The following FRMD4A variants were observed in gnomAD, a reference collection of about 807,000 sequenced individuals.
FRMD4A encodes FERM domain-containing protein 4A.
Under a neutral mutation model 129.1 loss-of-function variants are expected in FRMD4A, and 29 were observed. The ratio of observed to expected loss-of-function variants is 0.22; its 90% confidence interval spans 0.17 to 0.31. FRMD4A has a LOEUF of 0.31. FRMD4A is among the 10% of genes least tolerant of loss of function. FRMD4A has a pLI of 1.00. For synonymous variants in FRMD4A, 634 were observed against 571.6 expected, an observed-to-expected ratio of 1.11 and a Z score of -1.56; for missense variants, 1,272 against 1,375.8, an observed-to-expected ratio of 0.92 and a Z score of 1.19.
At chr10:13,902,765 G>A (rs7908572) in intron 2 of FRMD4A, among the ~76,000 whole-genome samples, 4 of 150,980 alleles carry the variant, frequency 2.6e-5, no homozygotes, top group Admixed American at 6.6e-5. Context: ...GCTTGAACCC[G>A]GGAGGTGGAG....
rs1019880274 is a variant in FRMD4A at position 13,989,356 on chromosome 10, AT to A, written c.46-130445del. Among the ~76,000 whole-genome samples, 4 of 151,358 alleles carry A rather than the reference AT, an allele frequency of 2.6e-5. 1 individual carries two copies. Among genetic ancestry groups the A allele is most frequent in the South Asian group, 2.1e-4 (1 of 4,778 alleles). Reference sequence around the variant, plus strand: ...GATATTAGATGATCATTAGTAATTGATTTTTTTTTCTTTTTTTTGAGACGGC... The same window carrying A: ...GATATTAGATGATCATTAGTAATTGATTTTTTTTCTTTTTTTTGAGACGGC... On this transcript the variant is annotated intron_variant, in intron 2 of 24. Transcript: ENST00000357447.
At chr10:14,086,806 C>G (rs1836306603) in intron 2 of FRMD4A, among the ~76,000 whole-genome samples, 1 of 152,188 alleles carries the variant, frequency 6.6e-6, no homozygotes, top group African/African-American at 2.4e-5. Flanking sequence ...TCTTGGTCTT[C>G]TGTCTGATTC....
intron 2 of FRMD4A, among the ~76,000 whole-genome samples, chr10:13,964,812 C>T (rs1259197773): frequency 1.3e-5 from 2 of 152,022 alleles, no homozygotes; most frequent in African/African-American, 2.4e-5. Context: ...CCTCAGCCTC[C>T]TGGGTAGCTG....
At chr10:13,667,860 T>C (rs924228767) in intron 17 of FRMD4A, 1 of 152,108 alleles carries the variant, frequency 6.6e-6, no homozygotes, top group East Asian at 1.9e-4. Flanking sequence ...GACAAATGCA[T>C]CGGCAGCTTC....
chr10:13,716,529 A>G (rs2088827222), intron 12 of FRMD4A, among the ~76,000 whole-genome samples: 1 of 152,240 alleles, frequency 6.6e-6, no homozygotes. Flanking sequence ...TCTTCTCTGC[A>G]GCCAGGCCTA....
At chr10:14,134,346 T>C (rs1477660750) in intron 2 of FRMD4A, among the ~76,000 whole-genome samples, 1 of 150,474 alleles carries the variant, frequency 6.6e-6, no homozygotes, top group Non-Finnish European at 1.5e-5. Flanking sequence ...GATGAGTGGA[T>C]GAATTGATGA....
At chr10:14,162,010 G>A (rs927374668) in intron 2 of FRMD4A, among the ~76,000 whole-genome samples, 1 of 150,452 alleles carries the variant, frequency 6.6e-6, no homozygotes. Flanking sequence ...ATTACTTTAA[G>A]TTATATATAT....
intron 2 of FRMD4A, among the ~76,000 whole-genome samples, chr10:14,043,004 A>G (rs1281876424): frequency 6.6e-6 from 1 of 152,040 alleles, no homozygotes. Context: ...GCAGAAAGAG[A>G]AAATCAACCT....
At chr10:13,858,585 G>C (rs1321868912) in intron 3 of FRMD4A, among the ~76,000 whole-genome samples, 1 of 152,172 alleles carries the variant, frequency 6.6e-6, no homozygotes, top group East Asian at 1.9e-4. Flanking sequence ...AATAGCTAAG[G>C]GCATTGTGGA....
chr10:14,230,546 G>A (rs1325651455), intron 2 of FRMD4A, among the ~76,000 whole-genome samples: 1 of 152,210 alleles, frequency 6.6e-6, no homozygotes, highest in Non-Finnish European at 1.5e-5. Context: ...GGCTGTGGCT[G>A]TACGATTGCT....
chr10:13,990,806 C>T (rs975352797), intron 2 of FRMD4A, among the ~76,000 whole-genome samples: 7 of 152,218 alleles, frequency 4.6e-5, no homozygotes, highest in African/African-American at 1.7e-4. Context: ...TGCGAGTCAA[C>T]CTGATCACCC....
chr10:13,743,087 C>G (rs1195288778), intron 9 of FRMD4A, among the ~76,000 whole-genome samples: 1 of 152,132 alleles, frequency 6.6e-6, no homozygotes, highest in Non-Finnish European at 1.5e-5. Flanking sequence ...GAGGACCAGC[C>G]AGCTACAGGG....
At chr10:13,869,784 C>T (rs541433611) in intron 2 of FRMD4A, among the ~76,000 whole-genome samples, 1 of 152,324 alleles carries the variant, frequency 6.6e-6, no homozygotes, top group Admixed American at 6.5e-5. Flanking sequence ...ATTTTCTTTA[C>T]CTCCATTTCG....
At chr10:13,654,137 A>T (rs1277980301) in intron 23 of FRMD4A, 3 of 531,364 alleles carry the variant, frequency 5.6e-6, no homozygotes, top group Admixed American at 6.9e-5. Context: ...AAATCTTACC[A>T]AAGAAGCACA....
intron 2 of FRMD4A, among the ~76,000 whole-genome samples, chr10:13,986,868 G>T (rs1184700965): frequency 6.6e-6 from 1 of 151,942 alleles, no homozygotes; most frequent in Non-Finnish European, 1.5e-5. Context: ...GTGGCTTGCA[G>T]ATGAGTTCTT....
intron 16 of FRMD4A, among the ~76,000 whole-genome samples, chr10:13,671,475 T>C (rs937179662): frequency 1.3e-5 from 2 of 152,074 alleles, no homozygotes; most frequent in African/African-American, 2.4e-5. Flanking sequence ...AAAAGTTTAG[T>C]AGAAACTGAA....
intron 2 of FRMD4A, among the ~76,000 whole-genome samples, chr10:13,976,053 G>T (rs945609967): frequency 1.1e-4 from 16 of 152,194 alleles, no homozygotes; most frequent in Non-Finnish European, 2.4e-4. Flanking sequence ...TGTCTAAAGG[G>T]TAGGGAATAC....
At chr10:13,862,920 C>T (rs569741682) in intron 2 of FRMD4A, among the ~76,000 whole-genome samples, 7 of 150,084 alleles carry the variant, frequency 4.7e-5, no homozygotes, top group African/African-American at 1.5e-4. Flanking sequence ...ACTGCTTTCC[C>T]TTGTTTTGTT....
At chr10:14,240,883 T>C (rs1844017306) in intron 2 of FRMD4A, among the ~76,000 whole-genome samples, 1 of 149,054 alleles carries the variant, frequency 6.7e-6, no homozygotes, top group African/African-American at 2.5e-5. Flanking sequence ...ATTAAGCCCC[T>C]GCTGGGATCC....
Sources: gnomAD v4.1 joint callset for allele counts (sites outside exome capture counted in the v4.1 genomes callset) on GRCh38, gnomAD v4.1.1 for gene constraint, MANE v1.5 for transcripts, NCBI Gene and HGNC (gene_info 2026-07-23, HGNC 2026-07-21) for gene names.